The following GARIN1A variants were observed in gnomAD, a reference collection of about 807,000 sequenced individuals.
GARIN1A encodes golgi associated RAB2 interactor 1A, also known as Golgi-associated RAB2 interactor protein 1A.
chr7:128,683,143 A>C, the GARIN1A span: 1 of 1,609,326 alleles, frequency 6.2e-7, no homozygotes, highest in South Asian at 1.1e-5. Context: ...CTAGGAGAGC[A>C]CTTCTTGGGA....
chr7:128,705,426 C>T, the GARIN1A span, among the ~76,000 whole-genome samples: 1 of 152,092 alleles, frequency 6.6e-6, no homozygotes, highest in Non-Finnish European at 1.5e-5. Flanking sequence ...CCGTGCCGTT[C>T]TCACAGCTGC....
At chr7:128,681,510 C>T in the GARIN1A span, among the ~76,000 whole-genome samples, 1 of 135,882 alleles carries the variant, frequency 7.4e-6, no homozygotes, top group Non-Finnish European at 1.6e-5. Context: ...CCTTTCCTCT[C>T]CTCTCCTTTC....
At chr7:128,687,309 C>T in the GARIN1A span, 1 of 152,202 alleles carries the variant, frequency 6.6e-6, no homozygotes, top group African/African-American at 2.4e-5. Flanking sequence ...AGTTAGACTT[C>T]TTTGGTTGCC....
At chr7:128,695,255 G>A in the GARIN1A span, among the ~76,000 whole-genome samples, 1 of 152,166 alleles carries the variant, frequency 6.6e-6, no homozygotes. This position sits in a 1 kb window ranked among gnomAD's most constrained non-coding sequence, Gnocchi z 4.5. Flanking sequence ...AACCTCTATG[G>A]ACTGTATCAA....
the GARIN1A span, chr7:128,675,677 C>T: frequency 1.2e-6 from 2 of 1,613,362 alleles, no homozygotes; most frequent in African/African-American, 2.7e-5. Context: ...ATTTCCAGGT[C>T]ACTAAGCCCG....
chr7:128,704,525 A>G, the GARIN1A span, among the ~76,000 whole-genome samples: 4 of 151,946 alleles, frequency 2.6e-5, no homozygotes, highest in African/African-American at 9.7e-5. Context: ...GGCTGGTCTC[A>G]AACTCCTGAC....
the GARIN1A span, among the ~76,000 whole-genome samples, chr7:128,689,822 CG>C: frequency 8.2e-5 from 12 of 145,970 alleles, no homozygotes; most frequent in East Asian, 2.5e-3. Flanking sequence ...CCGCCCCGTC[CG>C]GGAGGTGGGG....
the GARIN1A span, among the ~76,000 whole-genome samples, chr7:128,673,982 C>T: frequency 0.18 from 26,925 of 152,046 alleles, 2,777 homozygotes; most frequent in South Asian, 0.27. Context: ...CAACCTCTGC[C>T]TCCTGGGTTC....
chr7:128,699,271 C>A, the GARIN1A span, among the ~76,000 whole-genome samples: 215 of 143,852 alleles, frequency 1.5e-3, 7 homozygotes, highest in Non-Finnish European at 2.1e-3. Context: ...CCCCCCCCCC[C>A]CCACCACCAA....
At chr7:128,699,505 C>G in the GARIN1A span, among the ~76,000 whole-genome samples, 1 of 152,186 alleles carries the variant, frequency 6.6e-6, no homozygotes, top group Non-Finnish European at 1.5e-5. Context: ...ATGTCTGAAT[C>G]TCACTGAATC....
chr7:128,677,869 G>T, the GARIN1A span: 1 of 1,404,080 alleles, frequency 7.1e-7, no homozygotes, highest in Non-Finnish European at 9.7e-7. Flanking sequence ...AAGTATATAT[G>T]TAAGTGTCTG....
the GARIN1A span, among the ~76,000 whole-genome samples, chr7:128,707,080 A>G: frequency 3.9e-4 from 60 of 152,100 alleles, no homozygotes; most frequent in Admixed American, 3.0e-3. Context: ...AAAGCTGTAT[A>G]TATTTAATGT....
chr7:128,700,289 T>TG, the GARIN1A span, among the ~76,000 whole-genome samples: 4 of 151,436 alleles, frequency 2.6e-5, no homozygotes, highest in African/African-American at 9.7e-5. Context: ...ATTTTGTTTT[T>TG]TTTTTTTTTG....
the GARIN1A span, among the ~76,000 whole-genome samples, chr7:128,673,631 G>A: frequency 6.6e-6 from 1 of 152,162 alleles, no homozygotes; most frequent in Admixed American, 6.5e-5. Flanking sequence ...GTGGGTCTTG[G>A]GCTTAATTTG....
the GARIN1A span, chr7:128,686,963 T>A: frequency 6.6e-6 from 1 of 152,168 alleles, no homozygotes; most frequent in Admixed American, 6.5e-5. Context: ...TGCCTCTCTC[T>A]CCAGCCTCTC....
the GARIN1A span, among the ~76,000 whole-genome samples, chr7:128,703,617 A>C: frequency 3.2e-4 from 49 of 152,228 alleles, no homozygotes; most frequent in African/African-American, 1.2e-3. Context: ...TCTCTACAAC[A>C]AATTTTAAAA....
chr7:128,689,437 C>A, the GARIN1A span, among the ~76,000 whole-genome samples: 2 of 151,704 alleles, frequency 1.3e-5, no homozygotes, highest in African/African-American at 4.9e-5. Context: ...CGCCTCTGCC[C>A]GGCCGTGACC....
At chr7:128,698,834 C>T in the GARIN1A span, among the ~76,000 whole-genome samples, 2 of 152,114 alleles carry the variant, frequency 1.3e-5, no homozygotes, top group Admixed American at 1.3e-4. Context: ...TGATCCGCCC[C>T]CCTCAGTCTC....
chr7:128,705,760 G>C, the GARIN1A span, among the ~76,000 whole-genome samples: 5 of 145,884 alleles, frequency 3.4e-5, no homozygotes, highest in Non-Finnish European at 6.0e-5. Context: ...CACCTCCCGG[G>C]CTCAGGTGAT....
Sources: gnomAD v4.1 joint callset for allele counts (sites outside exome capture counted in the v4.1 genomes callset) on GRCh38, gnomAD v4.1.1 for gene constraint, Gnocchi (gnomAD v3.1) non-coding constraint, MANE v1.5 for transcripts, NCBI Gene and HGNC (gene_info 2026-07-23, HGNC 2026-07-21) for gene names.